FCHO2: variants seen among roughly 807,000 people sequenced by gnomAD.
FCHO2 encodes F-BAR domain only protein 2.
In FCHO2, 43 loss-of-function variants were observed where a neutral mutation model predicts 114.1. The ratio of observed to expected loss-of-function variants is 0.38; its 90% CI spans 0.30 to 0.49. The LOEUF (loss-of-function observed/expected upper bound fraction) is 0.49, where lower values mean the gene tolerates loss of function less well. Ranked by LOEUF, FCHO2 falls within the 20% of genes least tolerant of loss-of-function variation. The pLI, the probability that FCHO2 is intolerant of heterozygous loss-of-function variation, is 0.97. For synonymous variants in FCHO2, 293 were observed against 315.2 expected (o/e 0.93, Z 0.75); for missense variants, 807 against 950.4 (o/e 0.85, Z 1.98).
intron 8 of FCHO2, among the ~76,000 whole-genome samples, chr5:73,026,785 G>A (rs1483698772): frequency 2.0e-5 from 3 of 151,820 alleles, no homozygotes; most frequent in East Asian, 1.9e-4. Context: ...TCCACCTCCC[G>A]GGTTCAAGCA....
intron 5 of FCHO2, chr5:72,997,385 C>T (rs1407744703): frequency 3.8e-6 from 6 of 1,593,546 alleles, no homozygotes; most frequent in Non-Finnish European, 5.2e-6. Flanking sequence ...ATACTACGGA[C>T]AGCACTGCAC....
intron 2 of FCHO2, among the ~76,000 whole-genome samples, chr5:72,979,381 T>TC (rs1753059171): frequency 2.3e-5 from 2 of 86,008 alleles, no homozygotes; most frequent in Admixed American, 1.1e-4. Flanking sequence ...TCAATTTCTT[T>TC]TTTTTTTTTT....
intron 12 of FCHO2, 95 bp from the exon 13 acceptor site, chr5:73,052,237 C>A: frequency 7.9e-7 from 1 of 1,270,284 alleles, no homozygotes; most frequent in Non-Finnish European, 1.1e-6. Context: ...GTCTGTGTAA[C>A]TCTTAAAGGT....
Position 73,074,790 on chromosome 5 carries a change from T to C in FCHO2, c.1628T>C (p.Leu543Ser), listed in dbSNP as rs745849182. The C allele has an allele frequency of 1.2e-6, 2 of 1,613,176 alleles. No individual in the cohort carries two copies. Among genetic ancestry groups the C allele is most frequent in the South Asian group, 2.2e-5 (2 of 90,962 alleles). The change falls in exon 20 of 26, where the codon TTA becomes TCA. Residue 543 changes from leucine to serine, a missense_variant. Physicochemically the swap from Leu to Ser is moderately radical, Grantham distance 145. Transcript: ENST00000430046. ...SPVSLGNQDT[L>S]PVAVALTESV... ...GTCAGCCTTGGAAATCAGGATACCT[T>C]ACCTGTGGCAGTTGCCCTTACAGAA...
At chr5:73,077,242 G>A in intron 20 of FCHO2, 96 bp from the exon 21 acceptor site, 1 of 1,004,252 alleles carries the variant, frequency 1.0e-6, no homozygotes. Flanking sequence ...GTGCGTGTGT[G>A]TGTGCGCACG....
chr5:73,035,925 C>T (rs1431110264), intron 9 of FCHO2, among the ~76,000 whole-genome samples: 1 of 152,104 alleles, frequency 6.6e-6, no homozygotes, highest in Non-Finnish European at 1.5e-5. Context: ...CTCACTGCAT[C>T]CTCCGCCTTC....
intron 10 of FCHO2, among the ~76,000 whole-genome samples, chr5:73,040,152 CTGTT>C (rs1004183167): frequency 6.6e-6 from 1 of 152,068 alleles, no homozygotes; most frequent in African/African-American, 2.4e-5. Context: ...TGGCGTTTAT[CTGTT>C]TGTATAAGAT....
Position 72,983,547 on chromosome 5 carries a change from CTTTTTTTTTTT to C in FCHO2, c.126-5868_126-5858del, listed in dbSNP as rs35592345. ...CCCAGTGTCTTTCAAAGTGACAATA[CTTTTTTTTTTT>C]TTTTTTTTTTTGGAGAGACAAGGTT... On this transcript the variant is annotated intron_variant, in intron 2 of 25. Coordinates refer to ENST00000430046, the MANE Select transcript of FCHO2 (RefSeq NM_138782.3). Among the ~76,000 whole-genome samples the C allele has an allele frequency of 4.6e-3, 514 of 112,904 alleles. 5 individuals carry two copies. The highest frequency in any genetic ancestry group is 0.017 in the African/African-American group (500 of 30,170). The allele number at this position is 112,904 out of a possible 152,430, so 74.1% of individuals were successfully genotyped here.
intron 2 of FCHO2, among the ~76,000 whole-genome samples, chr5:72,975,234 G>A (rs908294807): frequency 4.6e-5 from 7 of 152,002 alleles, no homozygotes; most frequent in African/African-American, 1.7e-4. Flanking sequence ...TATCCCAGTG[G>A]CTAGCACAAA....
At chr5:72,963,843 A>T (rs1752017930) in intron 1 of FCHO2, among the ~76,000 whole-genome samples, 2 of 147,440 alleles carry the variant, frequency 1.4e-5, no homozygotes, top group South Asian at 4.4e-4. Flanking sequence ...GAGCCACCAC[A>T]CCTGGCCAGA....
At chr5:73,000,547 G>A (rs1176012078) in intron 5 of FCHO2, among the ~76,000 whole-genome samples, 2 of 150,844 alleles carry the variant, frequency 1.3e-5, no homozygotes, top group Admixed American at 6.6e-5. Context: ...AGGCCAAAGC[G>A]GGCGGATCAC....
chr5:73,080,881 C>T (rs115229313), intron 22 of FCHO2, among the ~76,000 whole-genome samples: 2,572 of 152,034 alleles, frequency 0.017, 68 homozygotes, highest in South Asian at 0.054. Flanking sequence ...GAGGCTGAGG[C>T]GAGAAGATTG....
At chr5:72,980,408 A>G (rs1460358675) in intron 2 of FCHO2, among the ~76,000 whole-genome samples, 1 of 152,182 alleles carries the variant, frequency 6.6e-6, no homozygotes, top group Non-Finnish European at 1.5e-5. Context: ...GGTGCTGAGA[A>G]GAATGTATAT....
At chr5:72,977,258 C>T (rs529742364) in intron 2 of FCHO2, among the ~76,000 whole-genome samples, 48 of 152,186 alleles carry the variant, frequency 3.2e-4, no homozygotes, top group Non-Finnish European at 5.9e-4. Flanking sequence ...TAAAAGCATT[C>T]CTGTTTCTCC....
intron 18 of FCHO2, among the ~76,000 whole-genome samples, chr5:73,066,422 T>C (rs113071311): frequency 6.6e-5 from 10 of 152,162 alleles, no homozygotes; most frequent in African/African-American, 2.4e-4. Context: ...TATGGTTTCT[T>C]AGCATTCTTT....
At chr5:72,963,720 T>TA (rs1214353267) in intron 1 of FCHO2, among the ~76,000 whole-genome samples, 2 of 151,582 alleles carry the variant, frequency 1.3e-5, no homozygotes, top group African/African-American at 2.4e-5. Context: ...AGCTAATTTT[T>TA]AAAAAAAATT....
At chr5:72,995,095 A>T (rs1227349471) in intron 5 of FCHO2, among the ~76,000 whole-genome samples, 4 of 152,162 alleles carry the variant, frequency 2.6e-5, no homozygotes, top group African/African-American at 9.7e-5. Context: ...AAACCTTCAC[A>T]TGTTCCCCTG....
intron 8 of FCHO2, 117 bp from the exon 9 acceptor site, chr5:73,034,539 TA>T: frequency 4.2e-6 from 3 of 706,120 alleles, no homozygotes; most frequent in Non-Finnish European, 7.0e-6. Context: ...TCAGAACAAT[TA>T]AAAAGATGCG....
chr5:72,970,360 C>G (rs1345114655), intron 2 of FCHO2, among the ~76,000 whole-genome samples: 1 of 152,142 alleles, frequency 6.6e-6, no homozygotes, highest in East Asian at 1.9e-4. Flanking sequence ...ACAGGCTGCT[C>G]CTTATTCTTT....
Sources: gnomAD v4.1 joint callset for allele counts (sites outside exome capture counted in the v4.1 genomes callset) on GRCh38, gnomAD v4.1.1 for gene constraint, MANE v1.5 for transcripts, NCBI Gene and HGNC (gene_info 2026-07-23, HGNC 2026-07-21) for gene names.